PRKX: variants seen among roughly 807,000 people sequenced by gnomAD.
The protein encoded by PRKX is cAMP-dependent protein kinase catalytic subunit PRKX.
PRKX carries 12 observed loss-of-function variants against 22.0 expected under a neutral mutation model. The ratio of observed to expected loss-of-function variants is 0.54; its 90% CI spans 0.35 to 0.88. PRKX has a LOEUF of 0.88. PRKX is among the 40% of genes least tolerant of loss of function. PRKX has a pLI of 0.01. For synonymous variants in PRKX, 134 were observed against 137.7 expected (o/e 0.97, Z 0.19); for missense variants, 217 against 308.0 (o/e 0.70, Z 2.21).
chrX:3,615,285 C>T (rs1434803007), intron 7 of PRKX, among the ~76,000 whole-genome samples: 2 of 111,181 alleles, frequency 1.8e-5, no homozygotes, highest in African/African-American at 3.3e-5. Flanking sequence ...TCTCAAAGTA[C>T]TGGAATTATA....
intron 2 of PRKX, among the ~76,000 whole-genome samples, chrX:3,662,793 G>A (rs181662535): frequency 9.4e-6 from 1 of 106,813 alleles, no homozygotes; most frequent in East Asian, 2.9e-4. Context: ...AATCACTTGT[G>A]CCCAGGAGTT....
chrX:3,650,520 C>CAAAA (rs748871957), intron 3 of PRKX, among the ~76,000 whole-genome samples: 8,556 of 37,626 alleles, frequency 0.23, 965 homozygotes, highest in East Asian at 0.44. Context: ...GACTCCTCTC[C>CAAAA]AAAAAAAAAA....
intron 3 of PRKX, among the ~76,000 whole-genome samples, chrX:3,651,394 C>T (rs761061346): frequency 1.6e-4 from 18 of 112,100 alleles, no homozygotes; most frequent in South Asian, 7.4e-4. Context: ...TTGAATTAGA[C>T]TTGCAAATAA....
chrX:3,702,973 C>T (rs1006301198), intron 1 of PRKX, among the ~76,000 whole-genome samples: 3 of 110,527 alleles, frequency 2.7e-5, no homozygotes, highest in Non-Finnish European at 5.6e-5. Flanking sequence ...TGGGATTACA[C>T]GTGTGAGCCA....
chrX:3,681,593 G>C (rs751883167), intron 1 of PRKX, among the ~76,000 whole-genome samples: 1 of 106,838 alleles, frequency 9.4e-6, no homozygotes, highest in South Asian at 4.4e-4. Flanking sequence ...AGGTTGCAGA[G>C]AGCTGAGATT....
At chrX:3,679,742 C>A (rs1413872575) in intron 1 of PRKX, among the ~76,000 whole-genome samples, 1 of 111,997 alleles carries the variant, frequency 8.9e-6, no homozygotes, top group African/African-American at 3.2e-5. Flanking sequence ...CCAAATATAC[C>A]TGATCTATAC....
intron 1 of PRKX, 24 bp from the exon 2 acceptor site, chrX:3,674,790 A>G (rs200230657): frequency 1.7e-5 from 20 of 1,204,923 alleles, no homozygotes; most frequent in Non-Finnish European, 2.2e-5. Context: ...AAATCGACAG[A>G]GGTCATTAAG....
At chrX:3,696,294 C>G (rs948168839) in intron 1 of PRKX, among the ~76,000 whole-genome samples, 2 of 111,378 alleles carry the variant, frequency 1.8e-5, no homozygotes, top group Non-Finnish European at 3.8e-5. Flanking sequence ...TTAAGCCCCC[C>G]AGTCTATGAT....
chrX:3,705,211 G>A (rs1261370956), intron 1 of PRKX, among the ~76,000 whole-genome samples: 3 of 111,049 alleles, frequency 2.7e-5, no homozygotes, highest in Admixed American at 9.6e-5. Context: ...GGTGGGGACC[G>A]GCTTTCTAAT....
At chrX:3,667,195 G>A (rs188896765) in intron 2 of PRKX, 5 of 111,670 alleles carry the variant, frequency 4.5e-5, no homozygotes, top group African/African-American at 1.6e-4. Flanking sequence ...CCGCGAAGCT[G>A]ATCTGCAGTC....
intron 7 of PRKX, among the ~76,000 whole-genome samples, chrX:3,613,925 G>A (rs1192313868): frequency 9.5e-6 from 1 of 105,812 alleles, no homozygotes; most frequent in Non-Finnish European, 1.9e-5. Context: ...TCTGGTCTGA[G>A]CTGAGGACTA....
At chrX:3,624,845 A>G (rs1458961939) in intron 5 of PRKX, among the ~76,000 whole-genome samples, 1 of 110,223 alleles carries the variant, frequency 9.1e-6, no homozygotes, top group Non-Finnish European at 1.9e-5. Flanking sequence ...GCCTCAAACT[A>G]TTGGATTGGC....
At chrX:3,639,637 G>A (rs1286579490) in intron 4 of PRKX, among the ~76,000 whole-genome samples, 3 of 108,806 alleles carry the variant, frequency 2.8e-5, no homozygotes, top group Non-Finnish European at 3.8e-5. Flanking sequence ...TAGATGGATG[G>A]ATGGATGATA....
At chrX:3,695,393 G>A (rs777235065) in intron 1 of PRKX, among the ~76,000 whole-genome samples, 1 of 110,996 alleles carries the variant, frequency 9.0e-6, no homozygotes, top group African/African-American at 3.3e-5. Context: ...TTTCCCTTTT[G>A]GATTTTCTTG....
At chrX:3,612,347 C>T (rs1279612590) in intron 7 of PRKX, 22 bp from the exon 8 acceptor site, 1 of 1,202,967 alleles carries the variant, frequency 8.3e-7, no homozygotes, top group Admixed American at 2.2e-5. Context: ...GGCCGAAGCA[C>T]AAAGGCATGG....
chrX:3,612,950 C>T (rs1317006378), intron 7 of PRKX, among the ~76,000 whole-genome samples: 2 of 107,865 alleles, frequency 1.9e-5, no homozygotes, highest in South Asian at 4.1e-4. Context: ...GTCAGGAGTT[C>T]GAGAACAGCC....
intron 2 of PRKX, among the ~76,000 whole-genome samples, chrX:3,668,360 T>G (rs1249015103): frequency 9.1e-6 from 1 of 110,360 alleles, no homozygotes; most frequent in Non-Finnish European, 1.9e-5. Context: ...TTTCTAGATT[T>G]TTGCCTTTAA....
At chrX:3,632,815 A>G (rs769449647) in intron 4 of PRKX, among the ~76,000 whole-genome samples, 38 of 112,263 alleles carry the variant, frequency 3.4e-4, no homozygotes. Context: ...TTCTCATTAT[A>G]TGGCATTTGG....
chrX:3,664,923 T>A (rs1020705023), intron 2 of PRKX, among the ~76,000 whole-genome samples: 1 of 112,135 alleles, frequency 8.9e-6, no homozygotes, highest in Non-Finnish European at 1.9e-5. Context: ...ACATGATACA[T>A]CCATGTACCA....
Sources: gnomAD v4.1 joint callset for allele counts (sites outside exome capture counted in the v4.1 genomes callset) on GRCh38, gnomAD v4.1.1 for gene constraint, MANE v1.5 for transcripts, NCBI Gene and HGNC (gene_info 2026-07-23, HGNC 2026-07-21) for gene names.